ARHGAP25: variants seen among roughly 807,000 people sequenced by gnomAD.
ARHGAP25 encodes rho GTPase-activating protein 25.
A neutral mutation model predicts 71.0 loss-of-function variants in ARHGAP25; 34 were observed. That is an observed-to-expected ratio of 0.48 (90% CI 0.36 to 0.64). ARHGAP25 has a LOEUF of 0.64. Ranked by LOEUF, ARHGAP25 falls within the 30% of genes least tolerant of loss-of-function variation. ARHGAP25 has a pLI of 0.00. For synonymous variants in ARHGAP25, 282 were observed against 296.5 expected (o/e 0.95, Z 0.50); for missense variants, 706 against 805.1 (o/e 0.88, Z 1.49).
intron 1 of ARHGAP25, among the ~76,000 whole-genome samples, chr2:68,746,417 G>A (rs1299229327): frequency 6.6e-6 from 1 of 152,158 alleles, no homozygotes. Context: ...ACAGGGCAAG[G>A]AGTCTGGTCA....
At position 68,767,189 on chromosome 2, in the gene ARHGAP25, C is replaced by G. The variant is rs978185585; in HGVS notation, c.62-8032C>G. 6.6e-6 allele frequency among the ~76,000 whole-genome samples: 1 copy of G among 152,120 alleles called. No individual in the cohort carries two copies. The highest frequency in any genetic ancestry group is 1.5e-5 in the Non-Finnish European group (1 of 68,026). On this transcript the variant is annotated intron_variant, in intron 1 of 10. Transcript: ENST00000409202. The surrounding 1 kb of genome is among the most constrained non-coding windows in gnomAD (Gnocchi z 4.6). ...GTCATCAGTCTCACAGTAAAGATGC[C>G]TTTTGAAGGGGCAGTGCTTTTCATA...
At chr2:68,810,942 C>CA (rs201316106) in intron 5 of ARHGAP25, among the ~76,000 whole-genome samples, 2 of 151,194 alleles carry the variant, frequency 1.3e-5, no homozygotes, top group Admixed American at 6.6e-5. Context: ...GGGTTTTGTC[C>CA]TGTTGGCTAG....
intron 2 of ARHGAP25, among the ~76,000 whole-genome samples, chr2:68,717,870 A>T (rs1674652562): frequency 1.3e-5 from 2 of 152,164 alleles, no homozygotes; most frequent in African/African-American, 4.8e-5. Flanking sequence ...TTCCTTTCCA[A>T]AGCCATTAAC....
chr2:68,784,633 T>C (rs1266790404), intron 3 of ARHGAP25, among the ~76,000 whole-genome samples: 1 of 152,228 alleles, frequency 6.6e-6, no homozygotes, highest in Non-Finnish European at 1.5e-5. Flanking sequence ...GTTCCTTCTG[T>C]TGCATATGTT....
chr2:68,743,982 T>C (rs1002578737), intron 1 of ARHGAP25, among the ~76,000 whole-genome samples: 1 of 152,296 alleles, frequency 6.6e-6, no homozygotes, highest in Middle Eastern at 3.4e-3. Context: ...GGAGAAAATA[T>C]CTTTAAACCT....
chr2:68,770,247 G>T (rs750966098), intron 1 of ARHGAP25, among the ~76,000 whole-genome samples: 30 of 152,180 alleles, frequency 2.0e-4, no homozygotes, highest in Non-Finnish European at 7.3e-5. Flanking sequence ...TCTCATGGAG[G>T]TGTGTTAGGA....
chr2:68,710,695 G>T (rs970739671), exon 2 of ARHGAP25: 3 of 152,222 alleles, frequency 2.0e-5, no homozygotes, highest in Admixed American at 2.0e-4. Flanking sequence ...TGTCTCTGCA[G>T]CAGGTGAGTG....
intron 9 of ARHGAP25, 47 bp from the exon 10 acceptor site, chr2:68,822,293 A>G: frequency 6.4e-7 from 1 of 1,565,644 alleles, no homozygotes; most frequent in Non-Finnish European, 8.7e-7. Context: ...AGCATGACAC[A>G]CAGAGGTGAA....
rs1681759816 is a variant in ARHGAP25, at chr2:68,822,418, A to C, written c.1279A>C (p.Arg427=). The C allele has an allele frequency of 1.2e-6, 2 of 1,614,192 alleles. No individual in the cohort carries two copies. The highest frequency in any genetic ancestry group is 4.5e-5 in the East Asian group (2 of 44,880). Residue 427 remains arginine, a synonymous_variant, in exon 10 of 11, where the codon AGG becomes CGG. Coordinates refer to ENST00000409202, the MANE Select transcript of ARHGAP25 (RefSeq NM_001007231.3). ...TCCGGAGGACAGCAGCAAAGTACCC[A>C]GGGAAAAGCCAGGAGACTGGAAAAT... ...AFPEDSSKVP[R]EKPGDWKMQS... is the part of the protein sequence containing the mutation.
At chr2:68,736,485 G>A (rs1277153773) in intron 1 of ARHGAP25, among the ~76,000 whole-genome samples, 1 of 152,164 alleles carries the variant, frequency 6.6e-6, no homozygotes, top group East Asian at 1.9e-4. Flanking sequence ...CTTTGAAAGT[G>A]TCCTGCTTCT....
In ARHGAP25 at chr2:68,819,197, A is replaced by G. The variant is rs1156790387; in HGVS notation, c.1078A>G (p.Ile360Val). 6.2e-7 allele frequency: 1 copy of G among 1,613,892 alleles called. No individual in the cohort carries two copies. The highest frequency in any genetic ancestry group is 2.2e-5 in the East Asian group (1 of 44,874). ...HEVLFPKSKDIPLSPPAQKND... is the reference protein window; with the variant it reads ...HEVLFPKSKDVPLSPPAQKND... ...AGTCCTCTTCCCCAAGTCCAAGGATATACCCCTGTCACCCCCTGCCCAGAA... is the reference window on the plus strand; with the variant it reads ...AGTCCTCTTCCCCAAGTCCAAGGATGTACCCCTGTCACCCCCTGCCCAGAA... Residue 360 changes from isoleucine to valine, a missense_variant, in exon 9 of 11, where the codon ATA becomes GTA. Physicochemically the swap from Ile to Val is conservative, Grantham distance 29. Coordinates refer to ENST00000409202, the MANE Select transcript of ARHGAP25 (RefSeq NM_001007231.3).
intron 2 of ARHGAP25, among the ~76,000 whole-genome samples, chr2:68,719,202 C>T (rs1674691555): frequency 6.6e-6 from 1 of 152,024 alleles, no homozygotes; most frequent in African/African-American, 2.4e-5. Context: ...ACTATTCTAG[C>T]AAATTATCAA....
At chr2:68,725,432 C>T (rs1265108240) in intron 2 of ARHGAP25, among the ~76,000 whole-genome samples, 3 of 152,044 alleles carry the variant, frequency 2.0e-5, no homozygotes, top group Non-Finnish European at 1.5e-5. Flanking sequence ...TCACACATTC[C>T]CCCCATCTCA....
intron 1 of ARHGAP25, among the ~76,000 whole-genome samples, chr2:68,758,937 T>C (rs1486860625): frequency 6.6e-6 from 1 of 151,680 alleles, no homozygotes; most frequent in Non-Finnish European, 1.5e-5. Context: ...AAATTAGAAA[T>C]TAATAAAAGA....
intron 1 of ARHGAP25, 59 bp downstream of exon 1, chr2:68,735,319 G>A (rs1675156374): frequency 6.5e-7 from 1 of 1,530,258 alleles, no homozygotes; most frequent in Admixed American, 1.7e-5. Flanking sequence ...AGCACCATTT[G>A]CATGTTGGTC....
chr2:68,807,309 AT>A lies in ARHGAP25; in HGVS notation c.504del (p.Tyr168Ter). On this transcript the variant is annotated frameshift_variant, in exon 5 of 11. Transcript: ENST00000409202. LOFTEE classifies it high-confidence loss of function. ...CAGCGCTTGGATGAGACTGTGGCCT[AT>A]GAACAGAAATTCGGCCCCCATCTGG... ...FGQRLDETVA[Y>X]EQKFGPHLVP... is the part of the protein sequence containing the mutation. 6.2e-7 allele frequency: 1 copy of A among 1,614,248 alleles called. No homozygotes were observed. Among genetic ancestry groups the A allele is most frequent in the Non-Finnish European group, 8.5e-7 (1 of 1,180,044 alleles).
At chr2:68,747,658 C>G (rs1198957004) in intron 1 of ARHGAP25, among the ~76,000 whole-genome samples, 1 of 152,218 alleles carries the variant, frequency 6.6e-6, no homozygotes, top group African/African-American at 2.4e-5. Context: ...TTCCCTCCCC[C>G]AGTGTGTCCA....
chr2:68,750,198 G>A (rs1676074742), intron 1 of ARHGAP25, among the ~76,000 whole-genome samples: 1 of 146,504 alleles, frequency 6.8e-6, no homozygotes, highest in Admixed American at 6.9e-5. Flanking sequence ...TTTTTGTAGA[G>A]ATGAGGTCTT....
chr2:68,752,966 A>C (rs1438144293), intron 1 of ARHGAP25, among the ~76,000 whole-genome samples: 1 of 152,072 alleles, frequency 6.6e-6, no homozygotes, highest in Non-Finnish European at 1.5e-5. Context: ...GGGCCATCCT[A>C]TGCATTGTAG....
Sources: allele counts gnomAD v4.1 joint callset (sites outside exome capture counted in the v4.1 genomes callset), GRCh38; gene constraint gnomAD v4.1.1; non-coding constraint Gnocchi (gnomAD v3.1); transcripts MANE v1.5; gene names NCBI Gene and HGNC (gene_info 2026-07-23, HGNC 2026-07-21).